The following IFT52 variants were observed in gnomAD, a reference collection of about 807,000 sequenced individuals.
IFT52 encodes intraflagellar transport protein 52 homolog.
IFT52 carries 44 observed loss-of-function variants against 54.4 expected under a neutral mutation model. The ratio of observed to expected loss-of-function variants is 0.81; its 90% confidence interval spans 0.63 to 1.04. The LOEUF (loss-of-function observed/expected upper bound fraction) is 1.04, where lower values mean the gene tolerates loss of function less well. IFT52 is among the 50% of genes least tolerant of loss of function. IFT52 has a pLI of 0.00. For synonymous variants in IFT52, 181 were observed against 185.3 expected (o/e 0.98, Z 0.19); for missense variants, 452 against 523.6 (o/e 0.86, Z 1.33).
chr20:43,608,897 ACT>A (rs1983194172), intron 6 of IFT52, among the ~76,000 whole-genome samples: 6 of 146,714 alleles, frequency 4.1e-5, no homozygotes, highest in Admixed American at 4.1e-4. Flanking sequence ...GACAGATGAG[ACT>A]CTGTCTCAAA....
intron 4 of IFT52, 98 bp downstream of exon 4, chr20:43,603,987 G>A (rs1262586812): frequency 9.8e-7 from 1 of 1,018,496 alleles, no homozygotes. Context: ...AAAAAGCCCT[G>A]GGCTGTGTGT....
chr20:43,635,235 A>G (rs892291546), intron 10 of IFT52, among the ~76,000 whole-genome samples: 1 of 150,674 alleles, frequency 6.6e-6, no homozygotes, highest in African/African-American at 2.4e-5. Flanking sequence ...TTCCTGTATT[A>G]GTTTGCTAAG....
intron 9 of IFT52, among the ~76,000 whole-genome samples, chr20:43,623,446 C>G (rs774128368): frequency 2.6e-5 from 4 of 152,164 alleles, no homozygotes; most frequent in Non-Finnish European, 5.9e-5. Flanking sequence ...CTCAGCCTCC[C>G]AAAGTGTTGT....
At chr20:43,592,085 T>C (rs1237737078) in intron 1 of IFT52, among the ~76,000 whole-genome samples, 1 of 152,102 alleles carries the variant, frequency 6.6e-6, no homozygotes, top group Non-Finnish European at 1.5e-5. Flanking sequence ...TCGAGCGAGG[T>C]GGCTCACACC....
At chr20:43,599,952 C>T (rs1982294012) in intron 3 of IFT52, among the ~76,000 whole-genome samples, 2 of 152,026 alleles carry the variant, frequency 1.3e-5, no homozygotes, top group African/African-American at 4.8e-5. Flanking sequence ...ATAATCTAAC[C>T]CACCACCATT....
intron 6 of IFT52, among the ~76,000 whole-genome samples, chr20:43,612,507 A>C (rs1461227661): frequency 6.6e-6 from 1 of 152,102 alleles, no homozygotes; most frequent in African/African-American, 2.4e-5. Flanking sequence ...AGCCTGGGCA[A>C]CATGGTGAAA....
intron 6 of IFT52, among the ~76,000 whole-genome samples, chr20:43,607,378 T>C (rs1190031121): frequency 1.4e-5 from 2 of 139,678 alleles, no homozygotes; most frequent in Non-Finnish European, 3.1e-5. Flanking sequence ...CCAGACAGGG[T>C]GGCTGCCGGG....
intron 8 of IFT52, among the ~76,000 whole-genome samples, chr20:43,619,706 A>G (rs1488732963): frequency 6.6e-6 from 1 of 152,170 alleles, no homozygotes; most frequent in Non-Finnish European, 1.5e-5. Flanking sequence ...AAAAATGCCA[A>G]GGGAACATGT....
At chr20:43,624,196 G>T in intron 10 of IFT52, 151 bp downstream of exon 10, 4 of 862,938 alleles carry the variant, frequency 4.6e-6, no homozygotes, top group African/African-American at 1.7e-5. Context: ...AAGAAACTGG[G>T]CTGGGCATGA....
At chr20:43,612,456 G>A (rs954412520) in intron 6 of IFT52, among the ~76,000 whole-genome samples, 4 of 152,100 alleles carry the variant, frequency 2.6e-5, no homozygotes, top group African/African-American at 9.7e-5. Flanking sequence ...ACTTTCGGAG[G>A]TCAAGGTGGG....
At position 43,643,362 on chromosome 20, in the gene IFT52, T is replaced by C. The variant is rs548913107; in HGVS notation, c.1266+738T>C. ...TTAACCAGGTGTGGTGGTGCACGCC[T>C]GTAATCCCAGCTACTAGGGAGGCCG... On this transcript the variant is annotated intron_variant, in intron 13 of 13. Coordinates refer to ENST00000373030, the MANE Select transcript of IFT52 (RefSeq NM_016004.5). 1.4e-4 allele frequency among the ~76,000 whole-genome samples: 8 copies of C among 55,244 alleles called. 3 individuals are homozygous for C. The South Asian group carries it at 5.3e-3, about 37-fold the overall frequency. The allele number at this position is 55,244 out of a possible 152,430, so 36.2% of individuals were successfully genotyped here.
chr20:43,612,891 A>G (rs1372062781), intron 6 of IFT52, among the ~76,000 whole-genome samples: 2 of 152,022 alleles, frequency 1.3e-5, no homozygotes, highest in East Asian at 3.9e-4. Context: ...CCATTCTGAG[A>G]GCACTTCCTT....
chr20:43,614,563 T>C (rs996339186), intron 7 of IFT52, among the ~76,000 whole-genome samples: 2 of 151,926 alleles, frequency 1.3e-5, no homozygotes, highest in African/African-American at 2.4e-5. Context: ...TGGCAGCATA[T>C]TGATGAAAAT....
chr20:43,631,887 C>T (rs1462274626), intron 10 of IFT52, among the ~76,000 whole-genome samples: 1 of 151,868 alleles, frequency 6.6e-6, no homozygotes, highest in Non-Finnish European at 1.5e-5. Flanking sequence ...CACTCCCTGC[C>T]TCTGCCCCTT....
intron 1 of IFT52, among the ~76,000 whole-genome samples, chr20:43,593,818 C>A (rs2145578629): frequency 6.6e-6 from 1 of 152,220 alleles, no homozygotes; most frequent in African/African-American, 2.4e-5. Flanking sequence ...CCCACCTCAG[C>A]CTCTCAAAGT....
chr20:43,639,679 A>G (rs1423316737), intron 12 of IFT52, among the ~76,000 whole-genome samples: 1 of 151,970 alleles, frequency 6.6e-6, no homozygotes, highest in African/African-American at 2.4e-5. Flanking sequence ...TAAAAAAAAA[A>G]ATTTTTTTAA....
intron 6 of IFT52, among the ~76,000 whole-genome samples, chr20:43,609,951 A>AAAAAT (rs1220418766): frequency 2.7e-4 from 41 of 150,906 alleles, no homozygotes; most frequent in African/African-American, 8.3e-4. Flanking sequence ...TCCGTCTTGA[A>AAAAAT]AAAATAAAAT....
chr20:43,628,296 T>C (rs981933178), intron 10 of IFT52, among the ~76,000 whole-genome samples: 20 of 152,174 alleles, frequency 1.3e-4, no homozygotes, highest in African/African-American at 4.8e-4. Context: ...GCTGCCTTTC[T>C]TTCAGAGATG....
chr20:43,622,753 A>G (rs1431415291), intron 9 of IFT52, among the ~76,000 whole-genome samples: 1 of 66,188 alleles, frequency 1.5e-5, no homozygotes, highest in African/African-American at 7.8e-5. Flanking sequence ...TTATGTAAAT[A>G]TAAATATATA....
Sources: allele counts gnomAD v4.1 joint callset (sites outside exome capture counted in the v4.1 genomes callset), GRCh38; gene constraint gnomAD v4.1.1; transcripts MANE v1.5; gene names NCBI Gene and HGNC (gene_info 2026-07-23, HGNC 2026-07-21).